Variants in NRXN3 observed in about 807,000 individuals in gnomAD.
NRXN3 encodes the protein neurexin 3, also known as neurexin III.
NRXN3 carries 32 observed loss-of-function variants against 137.6 expected under a neutral mutation model. That is an observed-to-expected ratio of 0.23 (90% CI 0.18 to 0.31). NRXN3 has a LOEUF of 0.31. Ranked by LOEUF, NRXN3 falls within the 10% of genes least tolerant of loss-of-function variation. The pLI is 1.00. For synonymous variants in NRXN3, 798 were observed against 784.5 expected (o/e 1.02, Z -0.29); for missense variants, 1,574 against 2,062.5 (o/e 0.76, Z 4.59).
At chr14:78,366,964 G>A (rs964249366) in intron 4 of NRXN3, among the ~76,000 whole-genome samples, 2 of 152,264 alleles carry the variant, frequency 1.3e-5, no homozygotes, top group Admixed American at 6.5e-5. Flanking sequence ...AATCAATGTC[G>A]TCTTTTGCCC....
chr14:78,248,157 G>A (rs766015749), intron 2 of NRXN3, among the ~76,000 whole-genome samples: 2 of 152,124 alleles, frequency 1.3e-5, no homozygotes, highest in South Asian at 2.1e-4. Context: ...GACCAGAAGC[G>A]GTTTGTCTCG....
intron 15 of NRXN3, among the ~76,000 whole-genome samples, chr14:79,378,217 GAAGTGGCCGGGC>G (rs951826091): frequency 1.4e-4 from 22 of 152,176 alleles, no homozygotes; most frequent in African/African-American, 5.1e-4. Context: ...TCATCCCAGA[GAAGTGGCCGGGC>G]AAGTGTTCTC....
intron 4 of NRXN3, among the ~76,000 whole-genome samples, chr14:78,610,539 T>G (rs1364080383): frequency 6.6e-6 from 1 of 152,232 alleles, no homozygotes; most frequent in Non-Finnish European, 1.5e-5. Context: ...TTAAAATTTG[T>G]AATGGGGAAA....
At chr14:79,091,414 T>C (rs978526817) in intron 15 of NRXN3, among the ~76,000 whole-genome samples, 7 of 152,108 alleles carry the variant, frequency 4.6e-5, no homozygotes, top group Admixed American at 1.3e-4. Context: ...ATTACCAAAA[T>C]AGAAGTTGCA....
At chr14:79,783,649 T>C (rs2099120720) in intron 19 of NRXN3, among the ~76,000 whole-genome samples, 1 of 152,234 alleles carries the variant, frequency 6.6e-6, no homozygotes, top group Admixed American at 6.5e-5. Flanking sequence ...TGAGTAACTT[T>C]TTTTAATGAA....
At chr14:79,433,080 T>A (rs2095790376) in intron 15 of NRXN3, among the ~76,000 whole-genome samples, 1 of 152,194 alleles carries the variant, frequency 6.6e-6, no homozygotes, top group South Asian at 2.1e-4. Context: ...CATTCTAAAT[T>A]TATAGTGCAG....
intron 16 of NRXN3, among the ~76,000 whole-genome samples, chr14:79,578,283 A>G (rs960257130): frequency 6.6e-6 from 1 of 152,190 alleles, no homozygotes; most frequent in Admixed American, 6.6e-5. Flanking sequence ...CATGGGGTCA[A>G]ATAACTCCTC....
intron 20 of NRXN3, chr14:79,823,849 G>A (rs1486809726): frequency 2.4e-6 from 1 of 420,528 alleles, no homozygotes; most frequent in East Asian, 7.2e-5. Context: ...GATATGCAGG[G>A]CTCTATATAG....
chr14:79,176,741 T>C (rs2062381100), intron 15 of NRXN3, among the ~76,000 whole-genome samples: 1 of 152,260 alleles, frequency 6.6e-6, no homozygotes, highest in Non-Finnish European at 1.5e-5. Context: ...CATTTTTAAC[T>C]GACCTAGAAA....
intron 6 of NRXN3, among the ~76,000 whole-genome samples, chr14:78,652,555 T>C (rs2097755405): frequency 6.6e-6 from 1 of 152,240 alleles, no homozygotes; most frequent in Admixed American, 6.5e-5. Context: ...TGTTCCTTCT[T>C]GTAGATAACA....
At chr14:79,478,181 A>G (rs2096576538) in intron 16 of NRXN3, among the ~76,000 whole-genome samples, 2 of 147,860 alleles carry the variant, frequency 1.4e-5, no homozygotes, top group Admixed American at 6.8e-5. Context: ...TTAAATATAT[A>G]TTATTTTATA....
intron 10 of NRXN3, among the ~76,000 whole-genome samples, chr14:78,925,074 T>G (rs2099282720): frequency 6.6e-6 from 1 of 152,214 alleles, no homozygotes; most frequent in South Asian, 2.1e-4. Context: ...CGGAGAGCCG[T>G]GTTTACAATC....
At chr14:78,792,426 G>C (rs1433116827) in intron 8 of NRXN3, among the ~76,000 whole-genome samples, 1 of 151,994 alleles carries the variant, frequency 6.6e-6, no homozygotes, top group Non-Finnish European at 1.5e-5. Context: ...AAAAAAACCA[G>C]AGATTAAATT....
At chr14:78,898,925 T>G (rs899700364) in intron 10 of NRXN3, among the ~76,000 whole-genome samples, 7 of 151,884 alleles carry the variant, frequency 4.6e-5, no homozygotes, top group African/African-American at 1.7e-4. Context: ...TAGAATAGGT[T>G]CATAGTAGCC....
chr14:79,441,601 C>T (rs1567137129), intron 15 of NRXN3, among the ~76,000 whole-genome samples: 1 of 151,596 alleles, frequency 6.6e-6, no homozygotes, highest in Non-Finnish European at 1.5e-5. Context: ...AGGATGGTCT[C>T]GATCTCCTGA....
In NRXN3 at chr14:78,583,427, C is replaced by CAA. The variant is rs150394098; in HGVS notation, c.758-61684_758-61683dup. 7.3e-3 allele frequency among the ~76,000 whole-genome samples: 1,043 copies of CAA among 143,146 alleles called. 16 individuals carry two copies. The highest frequency in any genetic ancestry group is 0.025 in the African/African-American group (977 of 39,140). The allele number at this position is 143,146 out of a possible 152,430, so 93.9% of individuals were successfully genotyped here. ...TATAATGAAAAAAACCTCAATCTATCAAAAAAAAAACAAACCCCAAAAAGT... is the reference window on the plus strand; with the variant it reads ...TATAATGAAAAAAACCTCAATCTATCAAAAAAAAAAAACAAACCCCAAAAAGT... On this transcript the variant is annotated intron_variant, in intron 4 of 20. Coordinates refer to ENST00000335750, the MANE Select transcript of NRXN3 (RefSeq NM_001330195.2).
intron 15 of NRXN3, among the ~76,000 whole-genome samples, chr14:79,042,971 C>T (rs2099627391): frequency 6.6e-6 from 1 of 151,802 alleles, no homozygotes. Flanking sequence ...TTTATTTCTG[C>T]TCAGTGAGCA....
At chr14:79,566,383 CTCCT>C (rs1233879158) in intron 16 of NRXN3, among the ~76,000 whole-genome samples, 1 of 152,064 alleles carries the variant, frequency 6.6e-6, no homozygotes, top group East Asian at 1.9e-4. Context: ...CCTCACCTCT[CTCCT>C]TGACCACTGA....
At chr14:78,190,280 A>G (rs1352672751) in intron 1 of NRXN3, among the ~76,000 whole-genome samples, 1 of 152,242 alleles carries the variant, frequency 6.6e-6, no homozygotes, top group African/African-American at 2.4e-5. Flanking sequence ...GAACTTTCTC[A>G]TTTTGAACAG....
Sources: allele counts gnomAD v4.1 joint callset (sites outside exome capture counted in the v4.1 genomes callset), GRCh38; gene constraint gnomAD v4.1.1; transcripts MANE v1.5; gene names NCBI Gene and HGNC (gene_info 2026-07-23, HGNC 2026-07-21).